CSGALNACT1: variants seen among roughly 807,000 people sequenced by gnomAD.
CSGALNACT1 encodes chondroitin sulfate N-acetylgalactosaminyltransferase 1.
Under a neutral mutation model 51.0 loss-of-function variants are expected in CSGALNACT1, and 52 were observed. The ratio of observed to expected loss-of-function variants is 1.02; its 90% CI spans 0.82 to 1.29. The LOEUF (loss-of-function observed/expected upper bound fraction) is 1.29, where lower values mean the gene tolerates loss of function less well. CSGALNACT1 is among the 50% of genes most tolerant of loss of function. CSGALNACT1 has a pLI of 0.00. For missense variants in CSGALNACT1, 935 were observed against 679.2 expected (o/e 1.38, Z -4.19); for synonymous variants, 341 against 254.4 (o/e 1.34, Z -3.24).
At chr8:19,676,736 A>G (rs554775278) in intron 1 of CSGALNACT1, among the ~76,000 whole-genome samples, 3 of 152,322 alleles carry the variant, frequency 2.0e-5, no homozygotes, top group African/African-American at 4.8e-5. Flanking sequence ...CCGCACAAGC[A>G]TTGTCCACTG....
chr8:19,704,615 C>A (rs1312887219), intron 1 of CSGALNACT1, among the ~76,000 whole-genome samples: 1 of 152,150 alleles, frequency 6.6e-6, no homozygotes, highest in African/African-American at 2.4e-5. Context: ...AAAGAGATAC[C>A]TGCACTATTT....
At chr8:19,590,681 G>A (rs531104656) in intron 3 of CSGALNACT1, among the ~76,000 whole-genome samples, 61 of 110,268 alleles carry the variant, frequency 5.5e-4, no homozygotes, top group African/African-American at 1.6e-3. Context: ...ATGGAGTCTC[G>A]CTCTGTCGCC....
chr8:19,678,594 G>C (rs2060366419), intron 1 of CSGALNACT1: 3 of 152,154 alleles, frequency 2.0e-5, no homozygotes, highest in Admixed American at 2.0e-4. Context: ...ACAGTGTAAA[G>C]GAAAATGTCA....
chr8:19,749,447 G>T (rs1172804871), intron 1 of CSGALNACT1, among the ~76,000 whole-genome samples: 8 of 152,046 alleles, frequency 5.3e-5, no homozygotes, highest in Admixed American at 5.2e-4. Flanking sequence ...TATGTGCCAT[G>T]GCATAATAAA....
At chr8:19,429,425 C>T (rs1260105117) in intron 6 of CSGALNACT1, among the ~76,000 whole-genome samples, 1 of 151,096 alleles carries the variant, frequency 6.6e-6, no homozygotes, top group African/African-American at 2.4e-5. Flanking sequence ...GATCTGCCTG[C>T]CTCAGCCTCC....
intron 1 of CSGALNACT1, among the ~76,000 whole-genome samples, chr8:19,716,373 C>T (rs574943157): frequency 6.6e-6 from 1 of 152,038 alleles, no homozygotes; most frequent in African/African-American, 2.4e-5. Context: ...CCTGTGTTGT[C>T]AATCTTGGCT....
upstream of CSGALNACT1, chr8:19,682,840 G>A (rs2060729509): frequency 2.4e-6 from 1 of 419,246 alleles, no homozygotes; most frequent in Non-Finnish European, 4.8e-6. Flanking sequence ...TGCAATCAGG[G>A]CCAGGACACT....
intron 1 of CSGALNACT1, among the ~76,000 whole-genome samples, chr8:19,653,169 G>C (rs2057969200): frequency 1.3e-5 from 2 of 152,206 alleles, no homozygotes; most frequent in South Asian, 2.1e-4. Context: ...ACCCAACCAG[G>C]AGACTTCTGT....
intron 1 of CSGALNACT1, among the ~76,000 whole-genome samples, chr8:19,755,505 T>C (rs920515013): frequency 2.1e-5 from 3 of 141,782 alleles, no homozygotes; most frequent in African/African-American, 7.7e-5. Flanking sequence ...AAGTGCATAC[T>C]GTGTGCTCGG....
At chr8:19,603,780 C>G (rs187560671), upstream of CSGALNACT1, among the ~76,000 whole-genome samples, 411 of 152,268 alleles carry the variant, frequency 2.7e-3, 1 homozygote, top group Admixed American at 5.2e-3. Context: ...CCTTGGCCAT[C>G]TAAGTAAAAA....
intron 4 of CSGALNACT1, among the ~76,000 whole-genome samples, chr8:19,465,519 T>C (rs2066473757): frequency 6.6e-6 from 1 of 152,240 alleles, no homozygotes; most frequent in Admixed American, 6.5e-5. Context: ...TTGACCACCA[T>C]AACTGCTGTC....
chr8:19,605,265 G>A (rs950985528), upstream of CSGALNACT1, among the ~76,000 whole-genome samples: 8 of 151,978 alleles, frequency 5.3e-5, no homozygotes, highest in African/African-American at 1.2e-4. Flanking sequence ...GTGAAACCCC[G>A]TCTCAACTAA....
chr8:19,692,746 G>A (rs1284829619), intron 1 of CSGALNACT1, among the ~76,000 whole-genome samples: 1 of 152,154 alleles, frequency 6.6e-6, no homozygotes, highest in African/African-American at 2.4e-5. Flanking sequence ...GTTTGGTGGA[G>A]CTCTGGTCAA....
intron 5 of CSGALNACT1, chr8:19,457,727 T>C (rs1421888829): frequency 4.5e-6 from 6 of 1,344,928 alleles, no homozygotes; most frequent in Non-Finnish European, 5.9e-6. Context: ...CCTCAGCCAA[T>C]ATGTGCATCT....
intron 3 of CSGALNACT1, among the ~76,000 whole-genome samples, chr8:19,511,385 AC>A (rs1376444785): frequency 2.0e-5 from 3 of 152,162 alleles, no homozygotes; most frequent in Non-Finnish European, 4.4e-5. Context: ...GCACAAACTA[AC>A]CTTCAATCAA....
intron 5 of CSGALNACT1, chr8:19,457,538 G>C: frequency 3.9e-6 from 2 of 508,446 alleles, no homozygotes; most frequent in South Asian, 1.6e-5. Flanking sequence ...ACCTGAACCT[G>C]GGAGGTGAAG....
At chr8:19,595,653 C>A (rs1290758946) in intron 2 of CSGALNACT1, among the ~76,000 whole-genome samples, 1 of 151,900 alleles carries the variant, frequency 6.6e-6, no homozygotes, top group East Asian at 1.9e-4. Flanking sequence ...TGGTGGCTCA[C>A]ACCTGTAATC....
intron 1 of CSGALNACT1, among the ~76,000 whole-genome samples, chr8:19,660,860 C>G (rs528875593): frequency 7.2e-5 from 11 of 152,264 alleles, no homozygotes; most frequent in African/African-American, 2.4e-4. Flanking sequence ...ATTCCCAAAA[C>G]CTCCAGAATG....
intron 4 of CSGALNACT1, among the ~76,000 whole-genome samples, chr8:19,503,388 G>C (rs1563764692): frequency 6.6e-6 from 1 of 152,172 alleles, no homozygotes; most frequent in Non-Finnish European, 1.5e-5. Context: ...AGAAAGATAG[G>C]CCTTACGTGT....
Sources: gnomAD v4.1 joint callset for allele counts (sites outside exome capture counted in the v4.1 genomes callset) on GRCh38, gnomAD v4.1.1 for gene constraint, MANE v1.5 for transcripts, NCBI Gene and HGNC (gene_info 2026-07-23, HGNC 2026-07-21) for gene names.